Variants in DCAF6 observed in about 807,000 individuals in gnomAD.
DCAF6 encodes the protein DDB1- and CUL4-associated factor 6.
Under a neutral mutation model 125.1 loss-of-function variants are expected in DCAF6, and 54 were observed. The observed-to-expected ratio is 0.43, with a 90% CI of 0.35 to 0.54. The LOEUF is 0.54. DCAF6 is among the 20% of genes least tolerant of loss of function. The pLI is 0.01. For missense variants in DCAF6, 934 were observed against 1,161.7 expected, an observed-to-expected ratio of 0.80 and a Z score of 2.85; for synonymous variants, 371 against 390.4, an observed-to-expected ratio of 0.95 and a Z score of 0.58.
At chr1:167,960,333 C>T (rs1186264118) in intron 2 of DCAF6, among the ~76,000 whole-genome samples, 2 of 151,994 alleles carry the variant, frequency 1.3e-5, no homozygotes, top group African/African-American at 4.8e-5. Context: ...GAGTCTCGGC[C>T]TCTTGCCCAG....
At chr1:167,938,381 C>G (rs541993142) in intron 1 of DCAF6, among the ~76,000 whole-genome samples, 34 of 152,266 alleles carry the variant, frequency 2.2e-4, no homozygotes, top group Admixed American at 3.3e-4. Flanking sequence ...TAGATTGATT[C>G]TGTCTTTTAA....
chr1:167,886,880 G>A, the DCAF6 span, among the ~76,000 whole-genome samples: 1 of 152,166 alleles, frequency 6.6e-6, no homozygotes, highest in Admixed American at 6.5e-5. Flanking sequence ...CAAAAAGTGG[G>A]CAAAGGATAT....
intron 17 of DCAF6, among the ~76,000 whole-genome samples, chr1:168,058,988 A>G (rs1472631559): frequency 6.6e-6 from 1 of 151,366 alleles, no homozygotes; most frequent in Admixed American, 6.6e-5. Flanking sequence ...GTGTACAAAT[A>G]TTTTTTCTAT....
the DCAF6 span, among the ~76,000 whole-genome samples, chr1:167,888,629 C>A: frequency 6.6e-6 from 1 of 152,058 alleles, no homozygotes. Flanking sequence ...GTAATCCCAG[C>A]ACTTTGGGAG....
rs60135464 is a variant in DCAF6 at position 168,037,104 on chromosome 1, C to CT, written c.1610-1250dup. On this transcript the variant is annotated intron_variant, in intron 12 of 21. Coordinates refer to ENST00000367840, the MANE Select transcript of DCAF6 (RefSeq NM_001198956.2). ...GAGGTTCTATGAGATTCTCCCCCCC[C>CT]TTTTTTTTTTTTTTTTTGAGATGAG... Among the ~76,000 whole-genome samples the CT allele has an allele frequency of 5.0e-3, 650 of 130,038 alleles. 3 individuals carry two copies. Among genetic ancestry groups the CT allele is most frequent in the East Asian group, 8.3e-3 (40 of 4,828 alleles). 85.3% of individuals were successfully genotyped at this position (130,038 alleles called of 152,430 possible). A position where few individuals can be genotyped will look rare whatever the true frequency, so the allele number is the denominator to read the frequency against.
At chr1:167,939,938 C>G (rs1224482345) in intron 1 of DCAF6, among the ~76,000 whole-genome samples, 1 of 152,114 alleles carries the variant, frequency 6.6e-6, no homozygotes, top group South Asian at 2.1e-4. Flanking sequence ...TTTTCTGATA[C>G]ATTTTCATTA....
intron 7 of DCAF6, 31 bp from the exon 8 acceptor site, chr1:168,002,451 T>C: frequency 6.3e-7 from 1 of 1,591,652 alleles, no homozygotes; most frequent in Non-Finnish European, 8.6e-7. Context: ...GTTTTAGACT[T>C]ACATAGAATT....
chr1:168,035,306 G>A (rs911815879), intron 12 of DCAF6, among the ~76,000 whole-genome samples: 1 of 152,162 alleles, frequency 6.6e-6, no homozygotes, highest in East Asian at 1.9e-4. Context: ...AATTAGCCAG[G>A]TGTGATGGCA....
intron 12 of DCAF6, among the ~76,000 whole-genome samples, chr1:168,036,086 CAAAA>C (rs563616144): frequency 4.9e-4 from 75 of 152,036 alleles, no homozygotes; most frequent in Non-Finnish European, 8.5e-4. Context: ...CAAAACAAAA[CAAAA>C]AAACTTTGTA....
intron 2 of DCAF6, among the ~76,000 whole-genome samples, chr1:167,961,012 C>A (rs561188493): frequency 2.0e-5 from 3 of 152,140 alleles, no homozygotes; most frequent in Admixed American, 6.5e-5. Flanking sequence ...TCTTTGATTT[C>A]TTTTACCAGA....
chr1:167,990,477 G>A (rs1382480340), intron 5 of DCAF6, among the ~76,000 whole-genome samples: 1 of 152,134 alleles, frequency 6.6e-6, no homozygotes, highest in East Asian at 1.9e-4. Context: ...ACCAATAATA[G>A]CAGGCATTTC....
At chr1:167,866,902 C>T in the DCAF6 span, among the ~76,000 whole-genome samples, 1 of 152,104 alleles carries the variant, frequency 6.6e-6, no homozygotes, top group Non-Finnish European at 1.5e-5. Flanking sequence ...ATCTAAGGGC[C>T]CTGGCAGCAA....
chr1:167,936,863 C>CCCCAA lies in DCAF6; in HGVS notation c.-46_-45insAACCC. The CCCCAA allele has an allele frequency of 8.7e-7, 1 of 1,145,832 alleles. No homozygotes were observed. Among genetic ancestry groups the CCCCAA allele is most frequent in the Non-Finnish European group, 1.3e-6 (1 of 780,686 alleles). The allele number at this position is 1,145,832 out of a possible 1,614,324, so 71.0% of individuals were successfully genotyped here. On this transcript the variant is annotated 5_prime_UTR_variant, in exon 1 of 22. Coordinates refer to ENST00000367840, the MANE Select transcript of DCAF6 (RefSeq NM_001198956.2). ...GAAACGGGTGTCCCCTCCCCCTCCT[C>CCCCAA]CCCTCCCCCACGCGGTGGTCTCCCC...
chr1:167,875,649 A>G, the DCAF6 span, among the ~76,000 whole-genome samples: 1 of 152,146 alleles, frequency 6.6e-6, no homozygotes. Flanking sequence ...TGACAAAAAC[A>G]CTGTTAAGAA....
At chr1:167,991,774 C>T (rs1471756383) in intron 6 of DCAF6, among the ~76,000 whole-genome samples, 2 of 152,130 alleles carry the variant, frequency 1.3e-5, no homozygotes, top group African/African-American at 4.8e-5. Flanking sequence ...TTAATCTCTG[C>T]CACTCTCTTT....
the DCAF6 span, among the ~76,000 whole-genome samples, chr1:167,865,301 C>T: frequency 6.6e-6 from 1 of 152,122 alleles, no homozygotes; most frequent in Non-Finnish European, 1.5e-5. Context: ...AAAAAAAATT[C>T]TGTGTGTAAA....
chr1:167,904,651 T>C, the DCAF6 span: 42 of 583,860 alleles, frequency 7.2e-5, 1 homozygote, highest in South Asian at 9.1e-4. Flanking sequence ...AAACATCATC[T>C]AGGGAGATCA....
At chr1:167,883,578 C>A in the DCAF6 span, 7 of 1,614,096 alleles carry the variant, frequency 4.3e-6, no homozygotes, top group Admixed American at 1.7e-5. Flanking sequence ...CAAACACAAT[C>A]GTCACTGGGC....
intron 12 of DCAF6, among the ~76,000 whole-genome samples, chr1:168,037,102 C>CT (rs1491341695): frequency 4.0e-5 from 6 of 148,456 alleles, no homozygotes; most frequent in African/African-American, 1.3e-4. Flanking sequence ...ATTCTCCCCC[C>CT]CCTTTTTTTT....
Sources: allele counts gnomAD v4.1 joint callset (sites outside exome capture counted in the v4.1 genomes callset), GRCh38; gene constraint gnomAD v4.1.1; transcripts MANE v1.5; gene names NCBI Gene and HGNC (gene_info 2026-07-23, HGNC 2026-07-21).